Variants in NRBF2 observed in about 807,000 individuals in gnomAD.
The protein encoded by NRBF2 is nuclear receptor-binding factor 2.
A neutral mutation model predicts 28.5 loss-of-function variants in NRBF2; 12 were observed. The observed-to-expected ratio is 0.42, with a 90% confidence interval of 0.27 to 0.68. The LOEUF (loss-of-function observed/expected upper bound fraction) is 0.68, where lower values mean the gene tolerates loss of function less well. Among genes scored for constraint, NRBF2 ranks in the 30% least tolerant of loss-of-function variants. The pLI, the probability that NRBF2 is intolerant of heterozygous loss-of-function variation, is 0.24. For synonymous variants in NRBF2, 102 were observed against 116.5 expected, an observed-to-expected ratio of 0.88 and a Z score of 0.80; for missense variants, 274 against 333.5, an observed-to-expected ratio of 0.82 and a Z score of 1.39.
intron 1 of NRBF2, among the ~76,000 whole-genome samples, chr10:63,139,217 T>G (rs1486016815): frequency 6.6e-6 from 1 of 152,064 alleles, no homozygotes; most frequent in Non-Finnish European, 1.5e-5. Flanking sequence ...TCCACGTTGG[T>G]CTGGCTGGTC....
chr10:63,151,601 GAA>G (rs1031536445), intron 2 of NRBF2, among the ~76,000 whole-genome samples: 6 of 152,310 alleles, frequency 3.9e-5, no homozygotes, highest in African/African-American at 1.4e-4. Context: ...AGATCAGAGA[GAA>G]GTTTATTGAA....
At chr10:63,136,645 A>G (rs1022361471) in intron 1 of NRBF2, among the ~76,000 whole-genome samples, 20 of 152,240 alleles carry the variant, frequency 1.3e-4, no homozygotes, top group Non-Finnish European at 2.4e-4. Context: ...TAACTTAAAT[A>G]CATTATGAAT....
In NRBF2 at chr10:63,153,439, A is replaced by C. The variant is rs961499927; in HGVS notation, c.157-72A>C. 4 of 1,144,312 alleles carry C rather than the reference A, an allele frequency of 3.5e-6. No individual in the cohort carries two copies. In the African/African-American group the frequency reaches 6.2e-5, roughly 18 times the overall value. The allele number at this position is 1,144,312 out of a possible 1,614,324, so 70.9% of individuals were successfully genotyped here. ...GTTGGGTTATTCACAAAGGATTTTG[A>C]ATAGTGTATGTTGGACATTACTAAG... On this transcript the variant is annotated intron_variant, in intron 3 of 3. Transcript: ENST00000277746.
At position 63,133,358 on chromosome 10, in the gene NRBF2, G is replaced by C; in HGVS notation, c.-113G>C. 7.9e-7 allele frequency: 1 copy of C among 1,261,944 alleles called. No homozygotes were observed. The allele number at this position is 1,261,944 out of a possible 1,614,324, so 78.2% of individuals were successfully genotyped here. On this transcript the variant is annotated 5_prime_UTR_variant, in exon 1 of 4. Coordinates refer to ENST00000277746, the MANE Select transcript of NRBF2 (RefSeq NM_030759.5). ...TTCAGCGCCTATCGCTGGCTCTTGG[G>C]GCGCAGAGAGGGGCCGCAGTCTCCG...
intron 2 of NRBF2, among the ~76,000 whole-genome samples, chr10:63,147,217 T>C (rs529980133): frequency 2.0e-3 from 299 of 152,262 alleles, no homozygotes; most frequent in South Asian, 4.1e-3. Context: ...TCCCTTGTTA[T>C]TTTACTTGTG....
At chr10:63,136,124 C>CTTTTTTT (rs11334549) in intron 1 of NRBF2, among the ~76,000 whole-genome samples, 1 of 125,006 alleles carries the variant, frequency 8.0e-6, no homozygotes, top group Non-Finnish European at 1.8e-5. Context: ...AAAATTCAGA[C>CTTTTTTT]TTTTTTTTTT....
chr10:63,133,758 C>T (rs888607043), intron 1 of NRBF2, among the ~76,000 whole-genome samples: 14 of 152,194 alleles, frequency 9.2e-5, no homozygotes, highest in Admixed American at 2.0e-4. Flanking sequence ...GGGGATGCCA[C>T]CACCTGGGGC....
intron 1 of NRBF2, among the ~76,000 whole-genome samples, chr10:63,142,780 C>CTTTCTTTTTTTTTTTTTTTTTTTTTTTTT (rs1554821458): frequency 1.3e-5 from 1 of 74,902 alleles, no homozygotes; most frequent in African/African-American, 5.8e-5. Context: ...TTCTTTCTTT[C>CTTTCTTTTTTTTTTTTTTTTTTTTTTTTT]TTTTTTTTTT....
intron 2 of NRBF2, among the ~76,000 whole-genome samples, chr10:63,147,180 A>G (rs1564530885): frequency 1.3e-5 from 2 of 152,084 alleles, no homozygotes; most frequent in Non-Finnish European, 2.9e-5. Flanking sequence ...GATCAGAGCC[A>G]TATTCTTTCT....
chr10:63,144,126 C>T (rs1463732982), intron 1 of NRBF2, among the ~76,000 whole-genome samples: 1 of 152,020 alleles, frequency 6.6e-6, no homozygotes, highest in East Asian at 1.9e-4. Flanking sequence ...TTTAAGTGTA[C>T]AGTTTAGTAG....
chr10:63,138,227 C>T (rs1158443282), intron 1 of NRBF2, among the ~76,000 whole-genome samples: 5 of 151,280 alleles, frequency 3.3e-5, no homozygotes, highest in Non-Finnish European at 4.4e-5. Context: ...GCAGGAGAAT[C>T]GCTTGAATCC....
intron 1 of NRBF2, among the ~76,000 whole-genome samples, chr10:63,144,031 T>G (rs1841519486): frequency 6.6e-6 from 1 of 152,034 alleles, no homozygotes; most frequent in South Asian, 2.1e-4. Context: ...GTGCTGGGAT[T>G]ATAGGCATGA....
intron 1 of NRBF2, among the ~76,000 whole-genome samples, chr10:63,135,994 C>T (rs1276730186): frequency 6.6e-6 from 1 of 152,066 alleles, no homozygotes; most frequent in Non-Finnish European, 1.5e-5. Context: ...TAATTTCCAG[C>T]ATAGTTGTTT....
At chr10:63,135,385 G>A (rs964560136) in intron 1 of NRBF2, among the ~76,000 whole-genome samples, 17 of 152,052 alleles carry the variant, frequency 1.1e-4, no homozygotes, top group South Asian at 4.1e-4. Context: ...CACATTATTT[G>A]GCTGCAGAAT....
At chr10:63,150,316 C>T in intron 2 of NRBF2, 1 of 939,844 alleles carries the variant, frequency 1.1e-6, no homozygotes, top group South Asian at 4.9e-5. Context: ...AGACATACTA[C>T]AGGAAAAAAA....
intron 1 of NRBF2, among the ~76,000 whole-genome samples, chr10:63,140,918 C>G (rs1430481223): frequency 6.6e-6 from 1 of 151,910 alleles, no homozygotes; most frequent in African/African-American, 2.4e-5. Context: ...CCAGGCTGGT[C>G]TCAAACTCCT....
intron 2 of NRBF2, among the ~76,000 whole-genome samples, chr10:63,148,496 G>A (rs1313191150): frequency 6.6e-6 from 1 of 152,200 alleles, no homozygotes; most frequent in Non-Finnish European, 1.5e-5. Context: ...TTTTAGAGAT[G>A]TGACAAGGAA....
Position 63,152,504 on chromosome 10 carries a change from T to TA in NRBF2, c.156+315dup, listed in dbSNP as rs1358047671. On this transcript the variant is annotated intron_variant, in intron 3 of 3. Transcript: ENST00000277746. ...ATTAGCTCTTATTTGATCATTAGCT[T>TA]ACAGTCAGTAAACAGGCCTGGCCAA... 1.5e-4 allele frequency among the ~76,000 whole-genome samples: 23 copies of TA among 152,336 alleles called. No homozygotes were observed. In the East Asian group the frequency reaches 3.5e-3, roughly 23 times the overall value.
intron 1 of NRBF2, among the ~76,000 whole-genome samples, chr10:63,138,518 G>A (rs919970374): frequency 1.3e-5 from 2 of 151,380 alleles, no homozygotes; most frequent in African/African-American, 4.9e-5. Context: ...GCCAAGGCGG[G>A]CAGATCACGA....
Sources: allele counts gnomAD v4.1 joint callset (sites outside exome capture counted in the v4.1 genomes callset), GRCh38; gene constraint gnomAD v4.1.1; transcripts MANE v1.5; gene names NCBI Gene and HGNC (gene_info 2026-07-23, HGNC 2026-07-21).